PCCA: variants seen among roughly 807,000 people sequenced by gnomAD.
PCCA encodes the protein propionyl-CoA carboxylase alpha chain, mitochondrial.
Under a neutral mutation model 101.3 loss-of-function variants are expected in PCCA, and 74 were observed. The ratio of observed to expected loss-of-function variants is 0.73; its 90% CI spans 0.61 to 0.89. The LOEUF (loss-of-function observed/expected upper bound fraction) is 0.89. Ranked by LOEUF, PCCA falls within the 40% of genes least tolerant of loss-of-function variation. The pLI, the probability that PCCA is intolerant of heterozygous loss-of-function variation, is 0.00. For synonymous variants in PCCA, 294 were observed against 313.6 expected, an observed-to-expected ratio of 0.94 and a Z score of 0.66; for missense variants, 891 against 907.0, an observed-to-expected ratio of 0.98 and a Z score of 0.23.
At chr13:100,425,494 T>A (rs768976833) in intron 19 of PCCA, 139 bp from the exon 20 acceptor site, 7 of 714,090 alleles carry the variant, frequency 9.8e-6, no homozygotes, top group Non-Finnish European at 1.8e-5. Flanking sequence ...ACCCTGTCTT[T>A]CTTGGCTGGA....
At chr13:100,187,080 AG>A (rs2057342757) in intron 6 of PCCA, among the ~76,000 whole-genome samples, 1 of 152,224 alleles carries the variant, frequency 6.6e-6, no homozygotes, top group South Asian at 2.1e-4. Context: ...AGAAAAGTCC[AG>A]GGACTCACTC....
chr13:100,208,907 G>C (rs2059034328), intron 6 of PCCA, among the ~76,000 whole-genome samples: 1 of 152,190 alleles, frequency 6.6e-6, no homozygotes, highest in Admixed American at 6.5e-5. Flanking sequence ...GTTTAGCTCA[G>C]AGCCTGGCAC....
chr13:100,490,086 C>G (rs901675858), intron 21 of PCCA: 1 of 152,262 alleles, frequency 6.6e-6, no homozygotes, highest in Non-Finnish European at 1.5e-5. Flanking sequence ...TTTCTGCATT[C>G]TGTCTTGCAT....
chr13:100,410,855 T>C (rs1400412750), intron 19 of PCCA, among the ~76,000 whole-genome samples: 1 of 152,188 alleles, frequency 6.6e-6, no homozygotes, highest in Non-Finnish European at 1.5e-5. Context: ...GTCATATTTT[T>C]TTCTATAATA....
chr13:100,104,539 C>T (rs1375972271), intron 2 of PCCA: 1 of 152,222 alleles, frequency 6.6e-6, no homozygotes, highest in African/African-American at 2.4e-5. Context: ...AAGAAGGGTC[C>T]TGCTTTCCTT....
At position 100,209,464 on chromosome 13, in the gene PCCA, G is replaced by A. The variant is rs879253802; in HGVS notation, c.600+1G>A. Reference sequence around the variant, plus strand: ...CCCTGGCTTTGATGGAGTAGTCAAGGTGAGAAGCTACTTTAACTTTTATTG... The same window carrying A: ...CCCTGGCTTTGATGGAGTAGTCAAGATGAGAAGCTACTTTAACTTTTATTG... On this transcript the variant is annotated splice_donor_variant, in intron 7 of 23. Coordinates refer to ENST00000376285, the MANE Select transcript of PCCA (RefSeq NM_000282.4). LOFTEE classifies it high-confidence loss of function. 7 of 1,611,866 alleles carry A rather than the reference G, an allele frequency of 4.3e-6. No individual in the cohort carries two copies. The highest frequency in any genetic ancestry group is 5.9e-6 in the Non-Finnish European group (7 of 1,178,048).
intron 19 of PCCA, among the ~76,000 whole-genome samples, chr13:100,421,492 A>G (rs915056647): frequency 1.3e-5 from 2 of 152,122 alleles, no homozygotes; most frequent in Non-Finnish European, 2.9e-5. Flanking sequence ...AGGGGCACTA[A>G]GTTTTTACAT....
chr13:100,505,390 C>T (rs1294261973), intron 21 of PCCA, among the ~76,000 whole-genome samples: 1 of 152,208 alleles, frequency 6.6e-6, no homozygotes, highest in Non-Finnish European at 1.5e-5. Context: ...TGGGGTCCCT[C>T]GCTGCATGCC....
intron 21 of PCCA, among the ~76,000 whole-genome samples, chr13:100,496,028 C>T (rs764180648): frequency 6.6e-6 from 1 of 152,142 alleles, no homozygotes; most frequent in South Asian, 2.1e-4. Context: ...TTGGTATCTT[C>T]TGAACCATTT....
At chr13:100,127,753 G>T (rs576783766) in intron 4 of PCCA, among the ~76,000 whole-genome samples, 1 of 152,106 alleles carries the variant, frequency 6.6e-6, no homozygotes, top group South Asian at 2.1e-4. Context: ...TTAGCCGGGC[G>T]TGGTGGTGGG....
intron 20 of PCCA, among the ~76,000 whole-genome samples, chr13:100,440,192 A>G (rs2080255897): frequency 9.0e-6 from 1 of 111,706 alleles, no homozygotes; most frequent in Non-Finnish European, 1.8e-5. Context: ...ATATATATAT[A>G]TATATATATA....
At chr13:100,328,354 C>A (rs758551953) in intron 16 of PCCA, among the ~76,000 whole-genome samples, 3 of 144,342 alleles carry the variant, frequency 2.1e-5, no homozygotes, top group Admixed American at 7.1e-5. Context: ...TAGAGTGAGA[C>A]CCTGTCTCAA....
intron 21 of PCCA, among the ~76,000 whole-genome samples, chr13:100,477,862 C>G (rs568853145): frequency 6.6e-6 from 1 of 152,170 alleles, no homozygotes; most frequent in Admixed American, 6.5e-5. Context: ...AAGCCTCTAC[C>G]TTCCCTGGAT....
chr13:100,387,745 A>G (rs1169913035), intron 19 of PCCA, among the ~76,000 whole-genome samples: 1 of 152,192 alleles, frequency 6.6e-6, no homozygotes, highest in Non-Finnish European at 1.5e-5. Flanking sequence ...GAAACATAGG[A>G]CTAAATTTTC....
At chr13:100,428,308 C>A (rs1187733851) in intron 20 of PCCA, among the ~76,000 whole-genome samples, 2 of 149,524 alleles carry the variant, frequency 1.3e-5, no homozygotes, top group African/African-American at 5.0e-5. Context: ...GCTCAAGCAA[C>A]CCTGCCTCCT....
At chr13:100,452,733 C>T (rs2081422989) in intron 21 of PCCA, among the ~76,000 whole-genome samples, 1 of 152,106 alleles carries the variant, frequency 6.6e-6, no homozygotes, top group Non-Finnish European at 1.5e-5. Flanking sequence ...TCTTCCTCAC[C>T]TGGAAGTGAT....
At chr13:100,390,893 G>T (rs1274996402) in intron 19 of PCCA, among the ~76,000 whole-genome samples, 1 of 152,166 alleles carries the variant, frequency 6.6e-6, no homozygotes, top group African/African-American at 2.4e-5. Context: ...AGTGGGCCAT[G>T]GTGTTGAGGG....
intron 4 of PCCA, among the ~76,000 whole-genome samples, chr13:100,148,569 T>C (rs1259784502): frequency 6.6e-6 from 1 of 152,170 alleles, no homozygotes; most frequent in Admixed American, 6.6e-5. Flanking sequence ...CCTTCTCCCT[T>C]GATGCTTCTA....
intron 8 of PCCA, among the ~76,000 whole-genome samples, chr13:100,256,463 T>C (rs1378122092): frequency 6.6e-6 from 1 of 152,252 alleles, no homozygotes; most frequent in Non-Finnish European, 1.5e-5. Context: ...GTTCTTTATC[T>C]GTCTTCTCAG....
Sources: allele counts gnomAD v4.1 joint callset (sites outside exome capture counted in the v4.1 genomes callset), GRCh38; gene constraint gnomAD v4.1.1; transcripts MANE v1.5; gene names NCBI Gene and HGNC (gene_info 2026-07-23, HGNC 2026-07-21).